The following CFAP61 variants were observed in gnomAD, a reference collection of about 807,000 sequenced individuals.
CFAP61 encodes cilia and flagella associated protein 61.
CFAP61 carries 107 observed loss-of-function variants against 135.6 expected under a neutral mutation model. The ratio of observed to expected loss-of-function variants is 0.79; its 90% CI spans 0.67 to 0.93. CFAP61 has a LOEUF of 0.93. Ranked by LOEUF, CFAP61 falls within the 40% of genes least tolerant of loss-of-function variation. CFAP61 has a pLI of 0.00. For missense variants in CFAP61, 1,507 were observed against 1,556.2 expected (o/e 0.97, Z 0.53); for synonymous variants, 575 against 578.5 (o/e 0.99, Z 0.09).
At chr20:20,167,560 G>GA (rs1156260025) in intron 12 of CFAP61, among the ~76,000 whole-genome samples, 11 of 151,890 alleles carry the variant, frequency 7.2e-5, no homozygotes, top group Non-Finnish European at 1.5e-4. Flanking sequence ...TGGACGACAG[G>GA]AAAAAAAATA....
At chr20:20,145,774 A>G (rs2051826429) in intron 9 of CFAP61, among the ~76,000 whole-genome samples, 1 of 152,246 alleles carries the variant, frequency 6.6e-6, no homozygotes, top group Non-Finnish European at 1.5e-5. Context: ...AGAATACTAT[A>G]AGAGATAACA....
chr20:20,067,202 C>CGTGT (rs1371528257), intron 2 of CFAP61, among the ~76,000 whole-genome samples: 3 of 151,614 alleles, frequency 2.0e-5, no homozygotes, highest in South Asian at 2.1e-4. Context: ...GTGTGACATA[C>CGTGT]GTGTGTATGT....
At chr20:20,190,190 G>A (rs1435378465) in intron 14 of CFAP61, among the ~76,000 whole-genome samples, 12 of 152,234 alleles carry the variant, frequency 7.9e-5, no homozygotes, top group East Asian at 1.9e-4. Flanking sequence ...AATGTTCATA[G>A]CAGCTATTGT....
chr20:20,163,528 A>G (rs1425093029), intron 10 of CFAP61, among the ~76,000 whole-genome samples: 1 of 152,058 alleles, frequency 6.6e-6, no homozygotes, highest in Non-Finnish European at 1.5e-5. Flanking sequence ...TATGGACCCT[A>G]TGTCAAAGGC....
chr20:20,138,312 C>T (rs1178477799), intron 8 of CFAP61, among the ~76,000 whole-genome samples: 1 of 152,210 alleles, frequency 6.6e-6, no homozygotes, highest in African/African-American at 2.4e-5. Context: ...GCTCAGTCCT[C>T]GTGGCCTAGA....
chr20:20,199,119 A>G (rs1193763189), intron 16 of CFAP61, among the ~76,000 whole-genome samples: 1 of 152,234 alleles, frequency 6.6e-6, no homozygotes, highest in Non-Finnish European at 1.5e-5. Context: ...ATCATAGTTC[A>G]TTTCAATAAG....
At chr20:20,083,174 AAAT>A (rs2046551753) in intron 6 of CFAP61, among the ~76,000 whole-genome samples, 1 of 152,222 alleles carries the variant, frequency 6.6e-6, no homozygotes, top group South Asian at 2.1e-4. Context: ...AAAATGAACA[AAAT>A]AATGTCTTTT....
intron 25 of CFAP61, among the ~76,000 whole-genome samples, chr20:20,325,639 T>G (rs1453646744): frequency 2.0e-5 from 3 of 152,238 alleles, no homozygotes; most frequent in Non-Finnish European, 2.9e-5. Context: ...ATATTGGTGG[T>G]TCCAAGTTTT....
In CFAP61 at chr20:20,288,760, T is replaced by C. The variant is rs1035811579; in HGVS notation, c.2948T>C (p.Phe983Ser). Reference protein sequence around the residue: ...AIRAAGSLTKFSNRYYSNEWT... With the variant: ...AIRAAGSLTKSSNRYYSNEWT... ...AGAGCTGCTGGCTCCCTCACCAAAT[T>C]CTCCAATAGATACTACTCAAATGAG... The change falls in exon 23 of 27, where the codon TTC becomes TCC. Residue 983 changes from phenylalanine to serine, a missense_variant. Physicochemically the swap from Phe to Ser is radical, Grantham distance 155 (BLOSUM62 -2). Transcript: ENST00000245957. 15 of 1,613,994 alleles carry C rather than the reference T, an allele frequency of 9.3e-6. No homozygotes were observed. The highest frequency in any genetic ancestry group is 1.7e-5 in the Admixed American group (1 of 60,002).
intron 9 of CFAP61, among the ~76,000 whole-genome samples, chr20:20,150,566 T>G (rs2052320432): frequency 6.6e-6 from 1 of 152,172 alleles, no homozygotes; most frequent in Admixed American, 6.5e-5. Flanking sequence ...TCTGTCCACA[T>G]GACAGCTTCA....
chr20:20,277,226 AC>A lies in CFAP61; in HGVS notation c.2566del (p.Gly857AlafsTer2). On this transcript the variant is annotated frameshift_variant, in exon 22 of 27. Transcript: ENST00000245957. LOFTEE classifies it high-confidence loss of function. ...TACACCACCGTGGAGACGCTCTTAA[AC>A]CTTGGCGTGAGCGGCAGCCGCATCC... Reference protein sequence around the residue: ...DTYTTVETLLNLGVSGSRIHL... With the variant: ...DTYTTVETLLXLGVSGSRIHL... 1.2e-6 allele frequency: 2 copies of A among 1,613,770 alleles called. No individual in the cohort carries two copies. The highest frequency in any genetic ancestry group is 1.7e-6 in the Non-Finnish European group (2 of 1,179,946).
At chr20:20,128,827 C>A (rs1268135061) in intron 8 of CFAP61, among the ~76,000 whole-genome samples, 1 of 151,510 alleles carries the variant, frequency 6.6e-6, no homozygotes, top group Non-Finnish European at 1.5e-5. Context: ...AGAAATAACA[C>A]ATTATTTTTA....
intron 24 of CFAP61, among the ~76,000 whole-genome samples, chr20:20,291,491 A>G (rs977948477): frequency 6.6e-6 from 1 of 152,170 alleles, no homozygotes; most frequent in Non-Finnish European, 1.5e-5. Flanking sequence ...TCATGGCTTG[A>G]TAGCTCATTT....
At chr20:20,111,908 C>G (rs1036085972) in intron 8 of CFAP61, among the ~76,000 whole-genome samples, 1 of 152,098 alleles carries the variant, frequency 6.6e-6, no homozygotes, top group African/African-American at 2.4e-5. Flanking sequence ...ATGAATCCCC[C>G]AGCTTCTCCA....
intron 1 of CFAP61, 45 bp from the exon 2 acceptor site, chr20:20,056,573 T>C: frequency 7.5e-7 from 1 of 1,326,998 alleles, no homozygotes; most frequent in Non-Finnish European, 1.1e-6. Context: ...GTGTTCAGTT[T>C]TGTGTGTATT....
At chr20:20,208,407 A>G (rs1183895674) in intron 17 of CFAP61, among the ~76,000 whole-genome samples, 3 of 152,136 alleles carry the variant, frequency 2.0e-5, no homozygotes, top group South Asian at 2.1e-4. Context: ...TCAAAATTCA[A>G]TTTTCCTCCA....
chr20:20,278,757 A>G (rs17310831), intron 22 of CFAP61, among the ~76,000 whole-genome samples: 3,890 of 152,284 alleles, frequency 0.026, 73 homozygotes, highest in Middle Eastern at 0.061. Context: ...ACTGAAAAAG[A>G]CTAAAAAGGA....
chr20:20,203,720 G>T (rs1262438457), intron 17 of CFAP61, among the ~76,000 whole-genome samples: 1 of 152,068 alleles, frequency 6.6e-6, no homozygotes, highest in Admixed American at 6.6e-5. Flanking sequence ...TTATTTTGAG[G>T]GTGGGTCTAC....
intron 24 of CFAP61, among the ~76,000 whole-genome samples, chr20:20,294,591 AC>A (rs2055253677): frequency 6.6e-6 from 1 of 152,174 alleles, no homozygotes; most frequent in South Asian, 2.1e-4. Flanking sequence ...GACAAAACTT[AC>A]AGAGGAGGCC....
Sources: allele counts gnomAD v4.1 joint callset (sites outside exome capture counted in the v4.1 genomes callset), GRCh38; gene constraint gnomAD v4.1.1; transcripts MANE v1.5; gene names NCBI Gene and HGNC (gene_info 2026-07-23, HGNC 2026-07-21).